The following TLCD4 variants were observed in gnomAD, a reference collection of about 807,000 sequenced individuals.
TLCD4 encodes the protein TLC domain containing 4.
TLCD4 carries 7 observed loss-of-function variants against 24.2 expected under a neutral mutation model. The observed-to-expected ratio is 0.29, with a 90% CI of 0.16 to 0.54. TLCD4 has a LOEUF of 0.54. Among genes scored for constraint, TLCD4 ranks in the 20% least tolerant of loss-of-function variants. TLCD4 has a pLI of 0.95. For missense variants in TLCD4, 259 were observed against 313.9 expected, an observed-to-expected ratio of 0.82 and a Z score of 1.32; for synonymous variants, 103 against 106.4, an observed-to-expected ratio of 0.97 and a Z score of 0.20.
At chr1:95,172,911 TTAG>T (rs58179905) in intron 5 of TLCD4, among the ~76,000 whole-genome samples, 1,884 of 152,330 alleles carry the variant, frequency 0.012, 38 homozygotes, top group African/African-American at 0.043. Flanking sequence ...CTCCATTTAC[TTAG>T]TAGCAATTTT....
chr1:95,178,096 G>T (rs1043757191), intron 6 of TLCD4, among the ~76,000 whole-genome samples: 1 of 149,356 alleles, frequency 6.7e-6, no homozygotes, highest in African/African-American at 2.5e-5. Context: ...GACTTCAGGC[G>T]CATGCTGCCA....
At chr1:95,167,418 G>A (rs1678054620) in intron 5 of TLCD4, among the ~76,000 whole-genome samples, 1 of 152,112 alleles carries the variant, frequency 6.6e-6, no homozygotes, top group Non-Finnish European at 1.5e-5. Flanking sequence ...GTCAGCATTG[G>A]GATATAGTGG....
At chr1:95,152,441 G>A (rs539740278) in intron 5 of TLCD4, among the ~76,000 whole-genome samples, 9 of 152,130 alleles carry the variant, frequency 5.9e-5, no homozygotes, top group African/African-American at 1.9e-4. Context: ...TAATACTTAT[G>A]TAACCATTTA....
chr1:95,134,860 A>G (rs1380080753), intron 1 of TLCD4, among the ~76,000 whole-genome samples: 1 of 152,222 alleles, frequency 6.6e-6, no homozygotes, highest in Non-Finnish European at 1.5e-5. Context: ...CCATATGCTG[A>G]GTACTGTTCT....
chr1:95,111,510 A>G, the TLCD4 span, among the ~76,000 whole-genome samples: 32 of 152,214 alleles, frequency 2.1e-4, no homozygotes, highest in Admixed American at 1.8e-3. Flanking sequence ...GATAGTGTAG[A>G]AAGATGTTTA....
intron 6 of TLCD4, among the ~76,000 whole-genome samples, chr1:95,180,138 C>T (rs1678582569): frequency 1.3e-5 from 2 of 152,124 alleles, no homozygotes; most frequent in African/African-American, 4.8e-5. Context: ...GAATGACTCC[C>T]AAGAGGTGAT....
At chr1:95,110,616 C>T in the TLCD4 span, among the ~76,000 whole-genome samples, 7 of 151,990 alleles carry the variant, frequency 4.6e-5, no homozygotes, top group Admixed American at 2.0e-4. Flanking sequence ...AGGCCAGGTG[C>T]GGTGGCTCAC....
upstream of TLCD4, among the ~76,000 whole-genome samples, chr1:95,115,757 T>G (rs1467853108): frequency 6.6e-6 from 1 of 152,192 alleles, no homozygotes; most frequent in Non-Finnish European, 1.5e-5. Context: ...AAGATAATGA[T>G]GGTGCATTTA....
At chr1:95,133,599 C>CT (rs930165953) in intron 1 of TLCD4, among the ~76,000 whole-genome samples, 1 of 152,040 alleles carries the variant, frequency 6.6e-6, no homozygotes, top group Admixed American at 6.6e-5. Context: ...TTGGCTTCTA[C>CT]TTTTTTGTGA....
At chr1:95,113,525 A>AG (rs1400934435), upstream of TLCD4, among the ~76,000 whole-genome samples, 2 of 152,200 alleles carry the variant, frequency 1.3e-5, no homozygotes, top group African/African-American at 4.8e-5. Context: ...TAGGAGATGA[A>AG]GAACATGGTA....
the TLCD4 span, among the ~76,000 whole-genome samples, chr1:95,099,529 T>C: frequency 6.6e-6 from 1 of 152,236 alleles, no homozygotes; most frequent in African/African-American, 2.4e-5. Context: ...TCATTTCCTC[T>C]GCTAGTCTGG....
chr1:95,115,646 C>G (rs1337529279), upstream of TLCD4, among the ~76,000 whole-genome samples: 2 of 152,072 alleles, frequency 1.3e-5, no homozygotes, highest in Non-Finnish European at 1.5e-5. Flanking sequence ...TTTGTAGAGG[C>G]CTAATATGAA....
the TLCD4 span, among the ~76,000 whole-genome samples, chr1:95,095,625 C>T: frequency 6.6e-6 from 1 of 152,090 alleles, no homozygotes; most frequent in Non-Finnish European, 1.5e-5. Flanking sequence ...TTTCAGTCTC[C>T]TGACCTTGTG....
chr1:95,162,247 A>G (rs980962711), intron 5 of TLCD4, among the ~76,000 whole-genome samples: 1 of 151,956 alleles, frequency 6.6e-6, no homozygotes, highest in African/African-American at 2.4e-5. Context: ...TTCCTTTACC[A>G]TTATGTAATG....
rs548925711 is a variant in TLCD4 at position 95,178,552 on chromosome 1, C to A, written c.473+4663C>A. On this transcript the variant is annotated intron_variant, in intron 6 of 6. Coordinates refer to ENST00000370203, the MANE Select transcript of TLCD4 (RefSeq NM_152487.3). The stretch of plus-strand genomic sequence containing the variant: ...TGCTGGGATTACAGGCGTGAGCCAC[C>A]ATGCCCAGCCCTTTTTTTTTTTTTT... Among the ~76,000 whole-genome samples, 1,100 of 149,572 alleles carry A rather than the reference C, an allele frequency of 7.4e-3. 12 individuals are homozygous for A. The highest frequency in any genetic ancestry group is 0.026 in the African/African-American group (1,054 of 40,716).
chr1:95,136,435 A>G (rs1677043375), intron 1 of TLCD4, among the ~76,000 whole-genome samples: 1 of 152,246 alleles, frequency 6.6e-6, no homozygotes, highest in Non-Finnish European at 1.5e-5. Context: ...AGATAATTTC[A>G]AAACCTGATT....
upstream of TLCD4, among the ~76,000 whole-genome samples, chr1:95,113,684 C>CA (rs1259348306): frequency 1.3e-5 from 2 of 151,938 alleles, no homozygotes; most frequent in Non-Finnish European, 2.9e-5. Context: ...AAAATGCAAA[C>CA]AAAACAATAC....
chr1:95,174,003 T>C lies in TLCD4; in HGVS notation c.473+114T>C. ...ATATAAAAGATACGGATCTGTGATA[T>C]GAATTGTTATCACCATCATACAAAT... On this transcript the variant is annotated intron_variant, in intron 6 of 6. Transcript: ENST00000370203. The C allele has an allele frequency of 3.6e-6, 5 of 1,404,680 alleles. No homozygotes were observed. The South Asian group carries it at 5.2e-5, about 15-fold the overall frequency. 87.0% of individuals were successfully genotyped at this position (1,404,680 alleles called of 1,614,324 possible).
At chr1:95,110,473 A>G in the TLCD4 span, among the ~76,000 whole-genome samples, 1 of 152,106 alleles carries the variant, frequency 6.6e-6, no homozygotes, top group Non-Finnish European at 1.5e-5. Flanking sequence ...TTGGTTAAAT[A>G]CATTATGTTA....
Sources: allele counts gnomAD v4.1 joint callset (sites outside exome capture counted in the v4.1 genomes callset), GRCh38; gene constraint gnomAD v4.1.1; transcripts MANE v1.5; gene names NCBI Gene and HGNC (gene_info 2026-07-23, HGNC 2026-07-21).